SGCD: variants seen among roughly 807,000 people sequenced by gnomAD.
The protein encoded by SGCD is delta-sarcoglycan.
A neutral mutation model predicts 36.6 loss-of-function variants in SGCD; 18 were observed. The ratio of observed to expected loss-of-function variants is 0.49; its 90% CI spans 0.34 to 0.73. The LOEUF (loss-of-function observed/expected upper bound fraction) is 0.73, where lower values mean the gene tolerates loss of function less well. Ranked by LOEUF, SGCD falls within the 30% of genes least tolerant of loss-of-function variation. The pLI, the probability that SGCD is intolerant of heterozygous loss-of-function variation, is 0.01. For synonymous variants in SGCD, 133 were observed against 130.6 expected (o/e 1.02, Z -0.12); for missense variants, 387 against 346.7 (o/e 1.12, Z -0.92).
chr5:156,326,187 T>C (rs1767811777), upstream of SGCD, among the ~76,000 whole-genome samples: 1 of 152,036 alleles, frequency 6.6e-6, no homozygotes, highest in Non-Finnish European at 1.5e-5. Flanking sequence ...AGAAGAGGGG[T>C]GTCCTCCTGT....
upstream of SGCD, among the ~76,000 whole-genome samples, chr5:156,324,544 G>C (rs1580820915): frequency 6.6e-6 from 1 of 152,116 alleles, no homozygotes; most frequent in Non-Finnish European, 1.5e-5. Flanking sequence ...CTAGCTAGCA[G>C]TTATAAAGCT....
At chr5:155,760,174 A>G in the SGCD span, among the ~76,000 whole-genome samples, 1 of 120,192 alleles carries the variant, frequency 8.3e-6, no homozygotes, top group Admixed American at 8.2e-5. Flanking sequence ...ATCCTCACCA[A>G]CACCCTCTCC....
At chr5:155,774,394 G>A in the SGCD span, among the ~76,000 whole-genome samples, 1 of 152,036 alleles carries the variant, frequency 6.6e-6, no homozygotes, top group Admixed American at 6.6e-5. Context: ...TCCTTGTTGT[G>A]GTTTCCTACT....
chr5:155,774,563 T>A, the SGCD span, among the ~76,000 whole-genome samples: 3 of 152,132 alleles, frequency 2.0e-5, no homozygotes, highest in Non-Finnish European at 4.4e-5. Flanking sequence ...AAAATCCATG[T>A]TCCTGGCTTT....
intron 4 of SGCD, among the ~76,000 whole-genome samples, chr5:156,527,058 C>G (rs1757673929): frequency 6.6e-6 from 1 of 152,096 alleles, no homozygotes; most frequent in Non-Finnish European, 1.5e-5. Context: ...AGGTAAGATT[C>G]CTCAAATTCT....
At chr5:156,708,098 T>C (rs2113746490) in intron 7 of SGCD, among the ~76,000 whole-genome samples, 1 of 152,314 alleles carries the variant, frequency 6.6e-6, no homozygotes, top group East Asian at 1.9e-4. Flanking sequence ...CTTGTTCTGC[T>C]TTTTGAGGAT....
intron 3 of SGCD, among the ~76,000 whole-genome samples, chr5:156,169,401 TG>T (rs1210894681): frequency 2.6e-5 from 4 of 152,232 alleles, no homozygotes; most frequent in Non-Finnish European, 4.4e-5. Flanking sequence ...CATTTTTTAT[TG>T]TTTGACCTTC....
chr5:156,606,841 C>G (rs1761483183), intron 6 of SGCD, among the ~76,000 whole-genome samples: 1 of 152,140 alleles, frequency 6.6e-6, no homozygotes, highest in African/African-American at 2.4e-5. Context: ...TGATTTGGCT[C>G]TCTGTTTGTC....
At chr5:156,521,352 A>G (rs1042936364) in intron 4 of SGCD, among the ~76,000 whole-genome samples, 3 of 152,088 alleles carry the variant, frequency 2.0e-5, no homozygotes, top group African/African-American at 4.8e-5. Flanking sequence ...AAATTGACCA[A>G]TGGGACCTAA....
chr5:156,268,144 T>C (rs1046784033), intron 3 of SGCD, among the ~76,000 whole-genome samples: 1 of 152,214 alleles, frequency 6.6e-6, no homozygotes, highest in African/African-American at 2.4e-5. Flanking sequence ...GCTCCATCCA[T>C]GTTCCTGCAA....
the SGCD span, among the ~76,000 whole-genome samples, chr5:155,784,508 A>G: frequency 1.3e-5 from 2 of 152,120 alleles, no homozygotes; most frequent in East Asian, 3.9e-4. Context: ...GGATTTTAGC[A>G]GGATCACTTG....
chr5:155,982,506 G>A (rs1758249024), intron 1 of SGCD, among the ~76,000 whole-genome samples: 1 of 152,108 alleles, frequency 6.6e-6, no homozygotes, highest in Non-Finnish European at 1.5e-5. Context: ...GGGCCAGTAG[G>A]ATTTGGTACT....
At chr5:156,638,138 T>A (rs1345737581) in intron 6 of SGCD, among the ~76,000 whole-genome samples, 3 of 151,906 alleles carry the variant, frequency 2.0e-5, no homozygotes, top group East Asian at 3.9e-4. Flanking sequence ...TTTTTTTTTT[T>A]ATTTTACATC....
chr5:156,159,643 CAT>C (rs1763044072), intron 3 of SGCD, among the ~76,000 whole-genome samples: 1 of 151,474 alleles, frequency 6.6e-6, no homozygotes, highest in Non-Finnish European at 1.5e-5. Context: ...CTAGAATAAA[CAT>C]TGGATAAATA....
At chr5:156,752,530 T>C (rs1472880782) in intron 7 of SGCD, among the ~76,000 whole-genome samples, 1 of 152,088 alleles carries the variant, frequency 6.6e-6, no homozygotes, top group Non-Finnish European at 1.5e-5. Flanking sequence ...GTAGCTGGGA[T>C]TACAGGCACC....
chr5:156,757,565 C>G lies in SGCD; in HGVS notation c.576-16C>G. On this transcript the variant is annotated splice_polypyrimidine_tract_variant and intron_variant, in intron 7 of 8. Transcript: ENST00000337851. ...AGAAAAAGGGATCTTTATTGACGAT[C>G]TTGGGTGTTTTTCAGGTTGGAGTCC... 6.6e-7 allele frequency: 1 copy of G among 1,509,290 alleles called. No individual in the cohort carries two copies. 93.5% of individuals were successfully genotyped at this position (1,509,290 alleles called of 1,614,324 possible). A position where few individuals can be genotyped will look rare whatever the true frequency, so the allele number is the denominator to read the frequency against.
At chr5:156,370,729 G>GT (rs1378415371) in intron 3 of SGCD, among the ~76,000 whole-genome samples, 9 of 152,116 alleles carry the variant, frequency 5.9e-5, no homozygotes, top group African/African-American at 1.4e-4. Flanking sequence ...ATGCATGACA[G>GT]TTTTTTTACG....
intron 3 of SGCD, among the ~76,000 whole-genome samples, chr5:156,357,623 A>G (rs1028538281): frequency 6.6e-6 from 1 of 152,222 alleles, no homozygotes; most frequent in African/African-American, 2.4e-5. Context: ...TAGAAGAATC[A>G]TAATTTTGTT....
At chr5:156,397,665 T>C (rs1427190191) in intron 3 of SGCD, among the ~76,000 whole-genome samples, 1 of 152,152 alleles carries the variant, frequency 6.6e-6, no homozygotes, top group East Asian at 1.9e-4. Flanking sequence ...AGCATCCCTG[T>C]CTCCCCGAGC....
Sources: allele counts gnomAD v4.1 joint callset (sites outside exome capture counted in the v4.1 genomes callset), GRCh38; gene constraint gnomAD v4.1.1; transcripts MANE v1.5; gene names NCBI Gene and HGNC (gene_info 2026-07-23, HGNC 2026-07-21).